Variants in EPS8 observed in about 807,000 individuals in gnomAD.
EPS8 encodes epidermal growth factor receptor kinase substrate 8.
A neutral mutation model predicts 103.8 loss-of-function variants in EPS8; 42 were observed. The ratio of observed to expected loss-of-function variants is 0.40; its 90% CI spans 0.32 to 0.52. The LOEUF (loss-of-function observed/expected upper bound fraction) is 0.52, where lower values mean the gene tolerates loss of function less well. EPS8 is among the 20% of genes least tolerant of loss of function. The pLI, the probability that EPS8 is intolerant of heterozygous loss-of-function variation, is 0.40. For synonymous variants in EPS8, 344 were observed against 344.6 expected, an observed-to-expected ratio of 1.00 and a Z score of 0.02; for missense variants, 969 against 1,005.1, an observed-to-expected ratio of 0.96 and a Z score of 0.49.
At chr12:15,676,863 T>C (rs1056729582) in intron 3 of EPS8, among the ~76,000 whole-genome samples, 1 of 152,100 alleles carries the variant, frequency 6.6e-6, no homozygotes, top group African/African-American at 2.4e-5. Context: ...AATGGCAAAA[T>C]CAAGTTATTA....
intron 3 of EPS8, among the ~76,000 whole-genome samples, chr12:15,675,561 G>T (rs575037864): frequency 1.3e-5 from 2 of 152,062 alleles, no homozygotes; most frequent in African/African-American, 4.8e-5. Flanking sequence ...ACTGTGCCAC[G>T]GCACTCCAGC....
At chr12:15,669,107 T>C (rs1945766738) in intron 6 of EPS8, among the ~76,000 whole-genome samples, 1 of 152,226 alleles carries the variant, frequency 6.6e-6, no homozygotes, top group Non-Finnish European at 1.5e-5. Flanking sequence ...TTGTCCAGGC[T>C]GGGCCCAAAC....
intron 1 of EPS8, among the ~76,000 whole-genome samples, chr12:15,726,439 C>G (rs1039186537): frequency 1.3e-5 from 2 of 152,040 alleles, no homozygotes; most frequent in African/African-American, 4.8e-5. Context: ...GTTCAAATAT[C>G]TGCCAAAGTC....
At chr12:15,623,106 TCCAGAGCTTTC>T in intron 20 of EPS8, 41 bp downstream of exon 20, 1 of 1,553,108 alleles carries the variant, frequency 6.4e-7, no homozygotes, top group Non-Finnish European at 8.7e-7. Flanking sequence ...AATAGTTGTT[TCCAGAGCTTTC>T]AATTTGCAGA....
chr12:15,703,064 G>A (rs147306449), intron 1 of EPS8, among the ~76,000 whole-genome samples: 173 of 152,300 alleles, frequency 1.1e-3, no homozygotes, highest in Non-Finnish European at 2.0e-3. Context: ...CACAAGAATC[G>A]CTTGAACCCA....
chr12:15,685,922 G>T (rs1946088339), intron 1 of EPS8, among the ~76,000 whole-genome samples: 1 of 152,016 alleles, frequency 6.6e-6, no homozygotes, highest in South Asian at 2.1e-4. Context: ...AGAGACAAAG[G>T]TTTTTTTAAT....
rs1163919342 is a variant in EPS8 at position 15,725,533 on chromosome 12, C to A, written c.-21-42561G>T. 6.6e-6 allele frequency among the ~76,000 whole-genome samples: 1 copy of A among 151,272 alleles called. No individual in the cohort carries two copies. The stretch of plus-strand genomic sequence containing the variant: ...ACATTTTGTAGTTTACACGGCACTT[C>A]ATTTACATTGTCCTGCCTAATTCTC... On this transcript the variant is annotated intron_variant, in intron 1 of 20. Transcript: ENST00000281172. This position sits in a 1 kb window ranked among gnomAD's most constrained non-coding sequence, Gnocchi z 4.5.
intron 1 of EPS8, among the ~76,000 whole-genome samples, chr12:15,720,156 C>T (rs1946578969): frequency 1.3e-5 from 2 of 152,132 alleles, no homozygotes; most frequent in African/African-American, 4.8e-5. Context: ...GTATCTTCTT[C>T]ACATATTATT....
rs1565484004 is a variant in EPS8, at chr12:15,658,511, C to T, written c.1012G>A (p.Gly338Arg). Residue 338 changes from glycine (G) to arginine (R), a missense_variant, in exon 11 of 21, where the codon GGA (glycine) becomes AGA (arginine). Gly to Arg is a moderately radical substitution (Grantham distance 125, BLOSUM62 -2). Coordinates refer to ENST00000281172, the MANE Select transcript of EPS8 (RefSeq NM_004447.6). ...FLDCFQKFKHGFNLLAKLKSH... is the reference protein window; with the variant it reads ...FLDCFQKFKHRFNLLAKLKSH... The stretch of plus-strand genomic sequence containing the variant: ...ATTTCACTTACCAGAAGGTTAAATC[C>T]GTGTTTAAACTTTTGGAAACAGTCA... The T allele has an allele frequency of 3.7e-6, 6 of 1,609,592 alleles. No homozygotes were observed. Among genetic ancestry groups the T allele is most frequent in the Non-Finnish European group, 5.1e-6 (6 of 1,176,392 alleles).
In EPS8 at chr12:15,695,296, T is replaced by G. The variant is rs1169520611; in HGVS notation, c.-21-12324A>C. ...TATTCAAACAAGATTCATTCAACAT[T>G]AATTGGCACCTGCCAATCTGAGTAC... On this transcript the variant is annotated intron_variant, in intron 1 of 20. Coordinates refer to ENST00000281172, the MANE Select transcript of EPS8 (RefSeq NM_004447.6). This position sits in a 1 kb window ranked among gnomAD's most constrained non-coding sequence, Gnocchi z 5.0. Among the ~76,000 whole-genome samples the G allele has an allele frequency of 6.6e-6, 1 of 152,222 alleles. No individual in the cohort carries two copies. Among genetic ancestry groups the G allele is most frequent in the Non-Finnish European group, 1.5e-5 (1 of 68,040 alleles).
chr12:15,746,042 A>T (rs1435975242), intron 1 of EPS8, among the ~76,000 whole-genome samples: 1 of 152,142 alleles, frequency 6.6e-6, no homozygotes, highest in South Asian at 2.1e-4. Context: ...GAAGCATCAT[A>T]CGATTATATC....
In EPS8 at chr12:15,759,261, TATTAATTCA is replaced by T. The variant is rs1213920538; in HGVS notation, c.-22+29891_-22+29899del. Among the ~76,000 whole-genome samples the T allele has an allele frequency of 2.6e-5, 4 of 152,136 alleles. No homozygotes were observed. Among genetic ancestry groups the T allele is most frequent in the Non-Finnish European group, 4.4e-5 (3 of 67,974 alleles). On this transcript the variant is annotated intron_variant, in intron 1 of 20. Coordinates refer to ENST00000281172, the MANE Select transcript of EPS8 (RefSeq NM_004447.6). This position sits in a 1 kb window ranked among gnomAD's most constrained non-coding sequence, Gnocchi z 4.9. Reference sequence around the variant, plus strand: ...ACTGACTAATTTTAAAAGGAACATCTATTAATTCAATTGGGAAGCTGAATAGTTTCTTGC... The same window carrying T: ...ACTGACTAATTTTAAAAGGAACATCTATTGGGAAGCTGAATAGTTTCTTGC...
chr12:15,743,568 A>T (rs929513341), intron 1 of EPS8, among the ~76,000 whole-genome samples: 1 of 152,216 alleles, frequency 6.6e-6, no homozygotes, highest in Non-Finnish European at 1.5e-5. Context: ...ACAGAGATAT[A>T]GACCAACGGA....
At chr12:15,722,548 A>T (rs2135979594) in intron 1 of EPS8, among the ~76,000 whole-genome samples, 1 of 152,336 alleles carries the variant, frequency 6.6e-6, no homozygotes, top group African/African-American at 2.4e-5. Flanking sequence ...TACACTGTCA[A>T]AATTTCCCTC....
rs117042023 is a variant in EPS8 at position 15,653,713 on chromosome 12, T to C, written c.1250+432A>G. On this transcript the variant is annotated intron_variant, in intron 13 of 20. Coordinates refer to ENST00000281172, the MANE Select transcript of EPS8 (RefSeq NM_004447.6). ...TGTGTGGCCTTGGGCAAATTACTTA[T>C]CCTCTCTGTGCCTTACTTTCCTCAT... 3.6e-3 allele frequency among the ~76,000 whole-genome samples: 545 copies of C among 152,332 alleles called. 2 individuals are homozygous for C. The highest frequency in any genetic ancestry group is 5.9e-3 in the Admixed American group (90 of 15,298).
At position 15,623,067 on chromosome 12, in the gene EPS8, A is replaced by G. The variant is rs1944885496; in HGVS notation, c.2355+91T>C. ...AGTTAAATTTAATTCAGCTCTGTTAAGAAAGGGAAATTGGCCAATATGGAC... is the reference window on the plus strand; with the variant it reads ...AGTTAAATTTAATTCAGCTCTGTTAGGAAAGGGAAATTGGCCAATATGGAC... On this transcript the variant is annotated intron_variant, in intron 20 of 20. Transcript: ENST00000281172. 5.5e-6 allele frequency: 7 copies of G among 1,277,902 alleles called. No individual in the cohort carries two copies. The Admixed American group carries it at 1.5e-4, about 28-fold the overall frequency. 79.2% of individuals were successfully genotyped at this position (1,277,902 alleles called of 1,614,324 possible). A position where few individuals can be genotyped will look rare whatever the true frequency, so the allele number is the denominator to read the frequency against.
Position 15,665,854 on chromosome 12 carries a change from G to T in EPS8, c.638C>A (p.Pro213His), listed in dbSNP as rs771512191. The change falls in exon 8 of 21, where the codon CCC becomes CAC. Residue 213 changes from proline to histidine, a missense_variant. Coordinates refer to ENST00000281172, the MANE Select transcript of EPS8 (RefSeq NM_004447.6). ...SNADPSIPPP[P>H]RAPAPAPPGT... ...AGGGGGCGCAGGGGCAGGAGCTCTG[G>T]GTGGAGGCGGTATACTAGGGTCTGC... is the stretch of plus-strand genomic sequence containing the variant. 5.0e-6 allele frequency: 8 copies of T among 1,614,004 alleles called. No homozygotes were observed. Among genetic ancestry groups the T allele is most frequent in the Non-Finnish European group, 6.8e-6 (8 of 1,179,950 alleles).
At position 15,698,652 on chromosome 12, in the gene EPS8, T is replaced by C. The variant is rs2135932518; in HGVS notation, c.-21-15680A>G. 6.6e-6 allele frequency among the ~76,000 whole-genome samples: 1 copy of C among 152,034 alleles called. No homozygotes were observed. The highest frequency in any genetic ancestry group is 2.1e-4 in the South Asian group (1 of 4,818). On this transcript the variant is annotated intron_variant, in intron 1 of 20. Coordinates refer to ENST00000281172, the MANE Select transcript of EPS8 (RefSeq NM_004447.6). The surrounding 1 kb of genome is among the most constrained non-coding windows in gnomAD (Gnocchi z 4.9). ...TCAAACTATTTAGCTGGGGAAAACA[T>C]GATGACTTTCCCTGCCCTCCTAAGA... is the stretch of plus-strand genomic sequence containing the variant.
At chr12:15,645,543 T>C (rs1472922325) in intron 15 of EPS8, among the ~76,000 whole-genome samples, 2 of 152,280 alleles carry the variant, frequency 1.3e-5, no homozygotes, top group South Asian at 2.1e-4. Flanking sequence ...GGTACAAAGA[T>C]ATAACTAAAT....
Sources: allele counts gnomAD v4.1 joint callset (sites outside exome capture counted in the v4.1 genomes callset), GRCh38; gene constraint gnomAD v4.1.1; non-coding constraint Gnocchi (gnomAD v3.1); transcripts MANE v1.5; gene names NCBI Gene and HGNC (gene_info 2026-07-23, HGNC 2026-07-21).